SLC15A4: variants seen among roughly 807,000 people sequenced by gnomAD.
SLC15A4 encodes the protein hPHT1.
Under a neutral mutation model 46.1 loss-of-function variants are expected in SLC15A4, and 26 were observed. That is an observed-to-expected ratio of 0.56 (90% CI 0.41 to 0.78). SLC15A4 has a LOEUF of 0.78. Among genes scored for constraint, SLC15A4 ranks in the 30% least tolerant of loss-of-function variants. The pLI is 0.00. For missense variants in SLC15A4, 751 were observed against 755.7 expected, an observed-to-expected ratio of 0.99 and a Z score of 0.07; for synonymous variants, 370 against 333.4, an observed-to-expected ratio of 1.11 and a Z score of -1.20.
At chr12:128,796,761 CAAA>C (rs1955449309) in intron 7 of SLC15A4, among the ~76,000 whole-genome samples, 1 of 152,124 alleles carries the variant, frequency 6.6e-6, no homozygotes, top group Non-Finnish European at 1.5e-5. Flanking sequence ...AGGTTGTCAT[CAAA>C]ATATAAACGA....
intron 5 of SLC15A4, among the ~76,000 whole-genome samples, chr12:128,807,716 C>T (rs1955606619): frequency 6.6e-6 from 1 of 152,202 alleles, no homozygotes; most frequent in Admixed American, 6.5e-5. Flanking sequence ...TCCCCATGTG[C>T]CACAGCTCTG....
At chr12:128,813,182 T>A (rs1057329745) in intron 2 of SLC15A4, 8 of 131,128 alleles carry the variant, frequency 6.1e-5, no homozygotes, top group African/African-American at 2.3e-4. Context: ...AAGATGGGGC[T>A]ATATTTTTTT....
At chr12:128,818,343 T>C (rs1820275194) in intron 1 of SLC15A4, among the ~76,000 whole-genome samples, 1 of 152,198 alleles carries the variant, frequency 6.6e-6, no homozygotes, top group Non-Finnish European at 1.5e-5. Flanking sequence ...TATCAGAATG[T>C]TTCCCAGAGG....
At chr12:128,823,333 G>A (rs1955876954) in intron 1 of SLC15A4, 65 bp downstream of exon 1, 2 of 1,313,914 alleles carry the variant, frequency 1.5e-6, no homozygotes, top group Non-Finnish European at 1.9e-6. Context: ...CTGGGGCAGG[G>A]GAAGAGGCTG....
At chr12:128,801,130 G>A in intron 5 of SLC15A4, 121 bp from the exon 6 acceptor site, 1 of 911,336 alleles carries the variant, frequency 1.1e-6, no homozygotes, top group Non-Finnish European at 1.6e-6. Flanking sequence ...AAAGGACCAC[G>A]TCTAATCACA....
At chr12:128,802,643 T>C (rs1955530507) in intron 5 of SLC15A4, among the ~76,000 whole-genome samples, 1 of 152,150 alleles carries the variant, frequency 6.6e-6, no homozygotes. Flanking sequence ...TTTTATAACC[T>C]GAATGGGAAA....
chr12:128,799,118 G>A, intron 7 of SLC15A4, 141 bp downstream of exon 7: 2 of 842,764 alleles, frequency 2.4e-6, no homozygotes, highest in East Asian at 2.4e-5. Context: ...GCACAGAGCA[G>A]TGCTGTGGAA....
rs1309085419 is a variant in SLC15A4 at position 128,793,602 on chromosome 12, AAGC to A, written c.*591_*593del. On this transcript the variant is annotated 3_prime_UTR_variant, in exon 8 of 8. Coordinates refer to ENST00000266771, the MANE Select transcript of SLC15A4 (RefSeq NM_145648.4). ...TGGTTTAAAAAGTAAGTACTTTTTG[AAGC>A]AGCAGATGAAATGTGTTTACTACCA... 1 of 152,214 alleles carries A rather than the reference AAGC, an allele frequency of 6.6e-6. No homozygotes were observed. Among genetic ancestry groups the A allele is most frequent in the Non-Finnish European group, 1.5e-5 (1 of 68,026 alleles). The allele number at this position is 152,214 out of a possible 1,614,324, so 9.4% of individuals were successfully genotyped here.
chr12:128,810,104 T>C lies in SLC15A4; in HGVS notation c.850A>G (p.Ile284Val). Residue 284 changes from isoleucine to valine, a missense_variant, in exon 3 of 8, where the codon ATT becomes GTT. By Grantham distance (29) the Ile-to-Val change is conservative. Transcript: ENST00000266771. ...TTAGAAGATTGCTGAAAGACTCCAA[T>C]GCCTTCACTTTGGGAAATAAAATGA... ...SGERQSNGEG[I>V]GVFQQSSKQS... 1 of 1,610,834 alleles carries C rather than the reference T, an allele frequency of 6.2e-7. No homozygotes were observed. Among genetic ancestry groups the C allele is most frequent in the Non-Finnish European group, 8.5e-7 (1 of 1,178,910 alleles).
chr12:128,795,936 G>A (rs1955437727), intron 7 of SLC15A4, among the ~76,000 whole-genome samples: 2 of 152,320 alleles, frequency 1.3e-5, no homozygotes, highest in South Asian at 4.1e-4. Context: ...CATCACGAGG[G>A]GAGCGAGTGC....
Position 128,823,694 on chromosome 12 carries a change from G to T in SLC15A4, c.250C>A (p.Leu84Ile). The change falls in exon 1 of 8, where the codon CTC becomes ATC. Residue 84 changes from leucine to isoleucine, a missense_variant. Coordinates refer to ENST00000266771, the MANE Select transcript of SLC15A4 (RefSeq NM_145648.4). ...ASEALLLFMGLTYLGSPFGGW... is the reference protein window; with the variant it reads ...ASEALLLFMGITYLGSPFGGW... ...CCGAACGGCGAGCCCAGGTAGGTGA[G>T]GCCCATGAAGAGCAGCAGCGCCTCG... The T allele has an allele frequency of 6.6e-7, 1 of 1,521,820 alleles. No homozygotes were observed. 94.3% of individuals were successfully genotyped at this position (1,521,820 alleles called of 1,614,324 possible).
intron 1 of SLC15A4, 23 bp downstream of exon 1, chr12:128,823,375 C>G (rs1334202699): frequency 5.0e-6 from 7 of 1,388,988 alleles, no homozygotes; most frequent in Non-Finnish European, 6.5e-6. Context: ...GGGACAGGGA[C>G]AGCGCGCGGG....
At chr12:128,805,772 T>C (rs1405359324) in intron 5 of SLC15A4, among the ~76,000 whole-genome samples, 5 of 152,194 alleles carry the variant, frequency 3.3e-5, no homozygotes, top group Admixed American at 3.3e-4. Context: ...CCTCAGGTGA[T>C]CTACTCGCCT....
intron 1 of SLC15A4, among the ~76,000 whole-genome samples, chr12:128,821,775 A>C (rs1955842515): frequency 1.3e-5 from 2 of 151,604 alleles, no homozygotes; most frequent in African/African-American, 2.4e-5. Flanking sequence ...AGTCTCAACT[A>C]CTCAGGAGGC....
At chr12:128,812,135 T>C (rs1955665514) in intron 2 of SLC15A4, among the ~76,000 whole-genome samples, 1 of 152,234 alleles carries the variant, frequency 6.6e-6, no homozygotes, top group South Asian at 2.1e-4. Context: ...ATTTCTACTC[T>C]GGTCTGATGA....
Position 128,815,018 on chromosome 12 carries a change from C to T in SLC15A4, c.599G>A (p.Trp200Ter). 6.2e-7 allele frequency: 1 copy of T among 1,612,938 alleles called. No homozygotes were observed. The highest frequency in any genetic ancestry group is 8.5e-7 in the Non-Finnish European group (1 of 1,179,000). ...ATRRFFNWFYWSINLGAILSL... is the reference protein window; with the variant it reads ...ATRRFFNWFY Reference sequence around the variant, plus strand: ...CAGGATCGCTCCCAGGTTAATGCTCCAATAAAACCAATTAAAAAATCTCCT... The same window carrying T: ...CAGGATCGCTCCCAGGTTAATGCTCTAATAAAACCAATTAAAAAATCTCCT... Residue 200 changes from tryptophan (W) to a stop codon, truncating the protein, a stop_gained, in exon 2 of 8, where the codon TGG (tryptophan) becomes TAG (stop). Transcript: ENST00000266771. LOFTEE classifies it high-confidence loss of function.
In SLC15A4 at chr12:128,823,562, TGGCGGGCGC is replaced by T; in HGVS notation, c.373_381del (p.Ala125_Ala127del). 1 of 1,442,098 alleles carries T rather than the reference TGGCGGGCGC, an allele frequency of 6.9e-7. No individual in the cohort carries two copies. The highest frequency in any genetic ancestry group is 9.0e-7 in the Non-Finnish European group (1 of 1,105,468). 89.3% of individuals were successfully genotyped at this position (1,442,098 alleles called of 1,614,324 possible). A position where few individuals can be genotyped will look rare whatever the true frequency, so the allele number is the denominator to read the frequency against. Reference sequence around the variant, plus strand: ...GCGGAACCGCAGAGCGCGGCTCGCGTGGCGGGCGCGGCCAGCAGCGGGAAGGCCAGCATG... The same window carrying T: ...GCGGAACCGCAGAGCGCGGCTCGCGTGGCCAGCAGCGGGAAGGCCAGCATG... On this transcript the variant is annotated inframe_deletion, in exon 1 of 8. Transcript: ENST00000266771.
intron 6 of SLC15A4, among the ~76,000 whole-genome samples, chr12:128,799,862 A>G (rs957712408): frequency 2.6e-5 from 4 of 152,204 alleles, no homozygotes; most frequent in Admixed American, 2.0e-4. Flanking sequence ...TTTTGTTGAG[A>G]CGGAGTTTTG....
rs1955883430 is a variant in SLC15A4, at chr12:128,823,561, G to A, written c.383C>T (p.Thr128Met). 3 of 1,442,204 alleles carry A rather than the reference G, an allele frequency of 2.1e-6. No homozygotes were observed. Among genetic ancestry groups the A allele is most frequent in the Middle Eastern group, 2.2e-4 (1 of 4,514 alleles). The allele number at this position is 1,442,204 out of a possible 1,614,324, so 89.3% of individuals were successfully genotyped here. A position where few individuals can be genotyped will look rare whatever the true frequency, so the allele number is the denominator to read the frequency against. The stretch of plus-strand genomic sequence containing the variant: ...CGCGGAACCGCAGAGCGCGGCTCGC[G>A]TGGCGGGCGCGGCCAGCAGCGGGAA... ...LAFPLLAAPA[T>M]RAALCGSARL... Residue 128 changes from threonine (T) to methionine (M), a missense_variant, in exon 1 of 8, where the codon ACG (threonine) becomes ATG (methionine). Transcript: ENST00000266771.
Sources: gnomAD v4.1 joint callset for allele counts (sites outside exome capture counted in the v4.1 genomes callset) on GRCh38, gnomAD v4.1.1 for gene constraint, MANE v1.5 for transcripts, NCBI Gene and HGNC (gene_info 2026-07-23, HGNC 2026-07-21) for gene names.